ICE2: variants seen among roughly 807,000 people sequenced by gnomAD.
ICE2 encodes the protein little elongation complex subunit 2.
ICE2 carries 87 observed loss-of-function variants against 105.4 expected under a neutral mutation model. The ratio of observed to expected loss-of-function variants is 0.83; its 90% CI spans 0.69 to 0.99. The LOEUF is 0.99. Among genes scored for constraint, ICE2 ranks in the 50% least tolerant of loss-of-function variants. ICE2 has a pLI of 0.00. For synonymous variants in ICE2, 399 were observed against 392.0 expected (o/e 1.02, Z -0.21); for missense variants, 1,323 against 1,146.7 (o/e 1.15, Z -2.22).
Position 60,453,636 on chromosome 15 carries a change from C to T in ICE2, c.1092G>A (p.Met364Ile), listed in dbSNP as rs772778566. ...NTSVPVSAVF[M>I]DKPEEFISEM... Reference sequence around the variant, plus strand: ...CAGATATAAACTCTTCAGGTTTGTCCATAAAGACTGCAGAGACTGGAACAG... The same window carrying T: ...CAGATATAAACTCTTCAGGTTTGTCTATAAAGACTGCAGAGACTGGAACAG... Residue 364 changes from methionine to isoleucine, a missense_variant, in exon 9 of 16, where the codon ATG becomes ATA. Transcript: ENST00000261520. 3.1e-6 allele frequency: 5 copies of T among 1,613,390 alleles called. No individual in the cohort carries two copies. The South Asian group carries it at 3.3e-5, about 11-fold the overall frequency.
At position 60,421,248 on chromosome 15, in the gene ICE2, A is replaced by ATC. The variant is rs2063240206; in HGVS notation, c.*2384_*2385dup. ...GCTCATTTTTTGAGATAGGGTCTTG[A>ATC]TCTCTCACCCAGGATGGAGTGCAGT... On this transcript the variant is annotated 3_prime_UTR_variant, in exon 16 of 16. Coordinates refer to ENST00000261520, the MANE Select transcript of ICE2 (RefSeq NM_024611.6). 2 of 151,500 alleles carry ATC rather than the reference A, an allele frequency of 1.3e-5. No homozygotes were observed. The highest frequency in any genetic ancestry group is 6.6e-5 in the Admixed American group (1 of 15,192). 9.4% of individuals were successfully genotyped at this position (151,500 alleles called of 1,614,324 possible). A position where few individuals can be genotyped will look rare whatever the true frequency, so the allele number is the denominator to read the frequency against.
At chr15:60,464,254 T>C (rs1461472536) in intron 5 of ICE2, among the ~76,000 whole-genome samples, 1 of 152,228 alleles carries the variant, frequency 6.6e-6, no homozygotes, top group Non-Finnish European at 1.5e-5. Flanking sequence ...AAGTACAGTT[T>C]TATATTCACC....
At chr15:60,439,013 C>CAT (rs1007823046) in intron 12 of ICE2, 14 of 152,122 alleles carry the variant, frequency 9.2e-5, no homozygotes, top group Non-Finnish European at 2.1e-4. Flanking sequence ...AGCGTTCATT[C>CAT]ATATATATAT....
chr15:60,442,516 T>C lies in ICE2; in HGVS notation c.2325A>G (p.Val775=). 1.3e-6 allele frequency: 2 copies of C among 1,582,928 alleles called. No homozygotes were observed. The highest frequency in any genetic ancestry group is 1.7e-6 in the Non-Finnish European group (2 of 1,172,206). The change falls in exon 12 of 16, where the codon GTA becomes GTG. Residue 775 remains valine, a synonymous_variant. Transcript: ENST00000261520. ...CAACTCCATAACAAGCTTGATACTC[T>C]ACTTTTGGTAGTACATAAACTGGAA... is the stretch of plus-strand genomic sequence containing the variant. The part of the protein sequence containing the change: ...RQFPVYVLPK[V]EYQACYGVEA...
chr15:60,458,515 A>G (rs2064187604), intron 5 of ICE2, among the ~76,000 whole-genome samples: 1 of 152,216 alleles, frequency 6.6e-6, no homozygotes, highest in Non-Finnish European at 1.5e-5. Context: ...GAGCAGTAAG[A>G]AAACCTATGA....
chr15:60,423,850 A>C, intron 15 of ICE2, 88 bp from the exon 16 acceptor site: 1 of 1,182,172 alleles, frequency 8.5e-7, no homozygotes, highest in Non-Finnish European at 1.1e-6. Context: ...TACATGTATT[A>C]ACCACCTTGC....
intron 11 of ICE2, chr15:60,445,912 T>C (rs1367669062): frequency 6.9e-6 from 2 of 289,042 alleles, no homozygotes; most frequent in Admixed American, 1.3e-4. Context: ...GAAAATACAA[T>C]CTATAGGACT....
chr15:60,433,099 T>G (rs1249584919), intron 13 of ICE2, among the ~76,000 whole-genome samples: 2 of 151,998 alleles, frequency 1.3e-5, no homozygotes, highest in African/African-American at 4.8e-5. Flanking sequence ...TTTTTTTTTT[T>G]TTTGAGACAG....
chr15:60,468,440 G>T, intron 3 of ICE2, 118 bp from the exon 4 acceptor site: 1 of 754,534 alleles, frequency 1.3e-6, no homozygotes, highest in Non-Finnish European at 2.1e-6. Context: ...GTAAACTCTG[G>T]ATTATTATCT....
chr15:60,425,809 C>T (rs906254618), intron 15 of ICE2, among the ~76,000 whole-genome samples: 3 of 152,162 alleles, frequency 2.0e-5, no homozygotes, highest in African/African-American at 7.2e-5. Flanking sequence ...AACTAGAATC[C>T]ATATTTGCAC....
chr15:60,469,097 T>C (rs2064510644), intron 3 of ICE2, among the ~76,000 whole-genome samples: 1 of 152,120 alleles, frequency 6.6e-6, no homozygotes, highest in South Asian at 2.1e-4. Context: ...TCCCTTAATA[T>C]CATGGAATAC....
chr15:60,433,852 T>G (rs1375116389), intron 13 of ICE2, among the ~76,000 whole-genome samples: 2 of 149,846 alleles, frequency 1.3e-5, no homozygotes, highest in African/African-American at 2.5e-5. Flanking sequence ...AGGTGGAGAG[T>G]AGGGTAGGGA....
intron 9 of ICE2, chr15:60,451,428 C>A: frequency 2.1e-6 from 2 of 969,982 alleles, no homozygotes; most frequent in Non-Finnish European, 2.5e-6. Flanking sequence ...AATTAGATAT[C>A]ATTAAGAAAA....
chr15:60,449,545 C>A lies in ICE2; in HGVS notation c.1422G>T (p.Met474Ile). Residue 474 changes from methionine (M) to isoleucine (I), a missense_variant, in exon 10 of 16, where the codon ATG becomes ATT. By Grantham distance (10) the Met-to-Ile change is conservative. Coordinates refer to ENST00000261520, the MANE Select transcript of ICE2 (RefSeq NM_024611.6). ...TTTTGCATTCCTCAGGGCCACCATC[C>A]ATACCAGTGACCAGCTGTTTCTCCT... ...LQKEKQLVTG[M>I]DGGPEECKNK... The A allele has an allele frequency of 6.2e-7, 1 of 1,614,154 alleles. No homozygotes were observed. Among genetic ancestry groups the A allele is most frequent in the Non-Finnish European group, 8.5e-7 (1 of 1,179,990 alleles).
chr15:60,455,289 A>AT (rs762923082), intron 7 of ICE2, 37 bp downstream of exon 7: 267 of 1,560,814 alleles, frequency 1.7e-4, no homozygotes, highest in Non-Finnish European at 2.2e-4. Flanking sequence ...GATATAAAAG[A>AT]TTATTTAGGA....
At chr15:60,423,881 T>C (rs1362541003) in intron 15 of ICE2, 119 bp from the exon 16 acceptor site, 1 of 905,102 alleles carries the variant, frequency 1.1e-6, no homozygotes, top group African/African-American at 1.7e-5. Context: ...TTATATATTT[T>C]TCATCTCCAG....
At chr15:60,474,942 A>C (rs1381895676) in intron 3 of ICE2, among the ~76,000 whole-genome samples, 1 of 152,168 alleles carries the variant, frequency 6.6e-6, no homozygotes, top group Non-Finnish European at 1.5e-5. Flanking sequence ...GCAACACAGC[A>C]AGACCATGTC....
chr15:60,439,178 T>G (rs1360038615), intron 12 of ICE2: 1 of 152,214 alleles, frequency 6.6e-6, no homozygotes, highest in Non-Finnish European at 1.5e-5. Flanking sequence ...TTTGGTTACC[T>G]TTAAAATTTT....
intron 9 of ICE2, among the ~76,000 whole-genome samples, chr15:60,450,484 G>A (rs761824143): frequency 7.9e-5 from 12 of 152,096 alleles, no homozygotes; most frequent in South Asian, 2.1e-4. Context: ...AACTACACAC[G>A]GCTTTTAACT....
Sources: gnomAD v4.1 joint callset for allele counts (sites outside exome capture counted in the v4.1 genomes callset) on GRCh38, gnomAD v4.1.1 for gene constraint, MANE v1.5 for transcripts, NCBI Gene and HGNC (gene_info 2026-07-23, HGNC 2026-07-21) for gene names.